ACYP2: variants seen among roughly 807,000 people sequenced by gnomAD.
ACYP2 encodes the protein acylphosphatase 2.
A neutral mutation model predicts 11.2 loss-of-function variants in ACYP2; 12 were observed. That is an observed-to-expected ratio of 1.08 (90% confidence interval 0.69 to 1.74). The LOEUF is 1.74. Ranked by LOEUF, ACYP2 falls within the 40% of genes most tolerant of loss-of-function variation. The pLI is 0.00. For missense variants in ACYP2, 134 were observed against 101.9 expected, an observed-to-expected ratio of 1.31 and a Z score of -1.35; for synonymous variants, 43 against 32.2, an observed-to-expected ratio of 1.33 and a Z score of -1.13.
intron 6 of ACYP2, among the ~76,000 whole-genome samples, chr2:54,268,836 CTTT>C (rs1228004506): frequency 6.6e-6 from 1 of 151,634 alleles, no homozygotes; most frequent in Non-Finnish European, 1.5e-5. Flanking sequence ...GTGAGTTTTT[CTTT>C]TTTTTCCTTA....
intron 6 of ACYP2, among the ~76,000 whole-genome samples, chr2:54,153,460 GT>G (rs3069007): frequency 0.029 from 3,807 of 133,048 alleles, 130 homozygotes; most frequent in African/African-American, 0.091. Context: ...GCTACTTAGG[GT>G]TTTTTTTTTT....
chr2:54,256,448 T>C (rs1687539806), intron 6 of ACYP2, among the ~76,000 whole-genome samples: 1 of 152,196 alleles, frequency 6.6e-6, no homozygotes, highest in Non-Finnish European at 1.5e-5. Flanking sequence ...CATGTGTTTG[T>C]TGGCCACTAG....
chr2:54,032,797 A>T (rs972379634), intron 2 of ACYP2, among the ~76,000 whole-genome samples: 1 of 152,200 alleles, frequency 6.6e-6, no homozygotes, highest in Admixed American at 6.5e-5. Context: ...GAGAACTACA[A>T]ACCACTGTTC....
chr2:54,151,908 T>G (rs923025007), intron 6 of ACYP2, among the ~76,000 whole-genome samples: 1 of 152,086 alleles, frequency 6.6e-6, no homozygotes, highest in Admixed American at 6.5e-5. Flanking sequence ...TTAATAGACT[T>G]TCTTTTTTAG....
At chr2:54,002,492 C>T (rs1672847730) in intron 2 of ACYP2, among the ~76,000 whole-genome samples, 1 of 150,146 alleles carries the variant, frequency 6.7e-6, no homozygotes, top group Non-Finnish European at 1.5e-5. Context: ...ATTATAAGTG[C>T]ACACCACCAT....
chr2:54,154,569 C>CTCCATTTATAGATT (rs1682347663), intron 6 of ACYP2, among the ~76,000 whole-genome samples: 1 of 152,078 alleles, frequency 6.6e-6, no homozygotes, highest in African/African-American at 2.4e-5. Flanking sequence ...ATATGGTGTT[C>CTCCATTTATAGATT]TCCATTTATA....
At chr2:54,251,823 G>A (rs774844975) in intron 6 of ACYP2, among the ~76,000 whole-genome samples, 6 of 152,154 alleles carry the variant, frequency 3.9e-5, no homozygotes, top group African/African-American at 9.7e-5. Context: ...CCTTCAAAGC[G>A]AAAAGGACAG....
At chr2:54,251,058 G>C (rs1462777899) in intron 6 of ACYP2, among the ~76,000 whole-genome samples, 1 of 152,176 alleles carries the variant, frequency 6.6e-6, no homozygotes, top group Non-Finnish European at 1.5e-5. Context: ...TGATCTATTT[G>C]GCTGGAAGAT....
chr2:54,146,575 C>T (rs1681902277), intron 6 of ACYP2, among the ~76,000 whole-genome samples: 1 of 150,058 alleles, frequency 6.7e-6, no homozygotes, highest in African/African-American at 2.5e-5. Context: ...ATGCCCGGCC[C>T]CTGATTTTAA....
At chr2:54,080,113 A>T in intron 4 of ACYP2, 1 of 209,084 alleles carries the variant, frequency 4.8e-6, no homozygotes, top group Admixed American at 4.3e-5. Context: ...GCAGCTTCAT[A>T]TACAGCTTGG....
intron 5 of ACYP2, among the ~76,000 whole-genome samples, chr2:54,135,808 T>C (rs1681195247): frequency 6.6e-6 from 1 of 152,206 alleles, no homozygotes; most frequent in Admixed American, 6.5e-5. Flanking sequence ...CAACGGTACA[T>C]ATGTTGCACT....
rs1214159425 is a variant in ACYP2, at chr2:54,079,153, T to C, written c.277+21793T>C. On this transcript the variant is annotated intron_variant, in intron 4 of 6. Coordinates refer to ENST00000607452, the MANE Select transcript of ACYP2 (RefSeq NM_001320586.2). ...CAAGTTATTGTTTATCTTTGTCTCC[T>C]AGATGACTGACACTTGATGTAGAAT... Among the ~76,000 whole-genome samples, 3 of 152,348 alleles carry C rather than the reference T, an allele frequency of 2.0e-5. No individual in the cohort carries two copies. In the East Asian group the frequency reaches 5.8e-4, roughly 29 times the overall value.
chr2:54,272,004 T>C (rs1242452100), intron 6 of ACYP2, among the ~76,000 whole-genome samples: 1 of 152,162 alleles, frequency 6.6e-6, no homozygotes, highest in Non-Finnish European at 1.5e-5. Context: ...AGTGCTAGGC[T>C]GGAAAGGCAA....
intron 6 of ACYP2, among the ~76,000 whole-genome samples, chr2:54,276,750 G>A (rs1373226150): frequency 6.6e-6 from 1 of 151,588 alleles, no homozygotes; most frequent in Non-Finnish European, 1.5e-5. Context: ...ATATTTACTG[G>A]AGAAATTTGA....
At chr2:54,224,609 C>T (rs1382909841) in intron 6 of ACYP2, among the ~76,000 whole-genome samples, 2 of 152,178 alleles carry the variant, frequency 1.3e-5, no homozygotes, top group African/African-American at 4.8e-5. Flanking sequence ...GGAAAGCATG[C>T]CAAACAGGAA....
intron 6 of ACYP2, among the ~76,000 whole-genome samples, chr2:54,175,068 C>A (rs1683383534): frequency 6.6e-6 from 1 of 152,206 alleles, no homozygotes; most frequent in African/African-American, 2.4e-5. Context: ...AGGATTCCCT[C>A]TTTTTCTATT....
At chr2:54,266,479 TACTA>T (rs1688022668) in intron 6 of ACYP2, among the ~76,000 whole-genome samples, 1 of 150,630 alleles carries the variant, frequency 6.6e-6, no homozygotes, top group South Asian at 2.1e-4. Flanking sequence ...ATAAACCAGG[TACTA>T]TCATTGGCCC....
At chr2:54,049,421 C>T (rs1359797265) in intron 2 of ACYP2, among the ~76,000 whole-genome samples, 1 of 152,098 alleles carries the variant, frequency 6.6e-6, no homozygotes, top group African/African-American at 2.4e-5. Flanking sequence ...GCTTCCTATC[C>T]ACATGTAAAT....
intron 3 of ACYP2, among the ~76,000 whole-genome samples, chr2:54,053,765 C>T (rs1408676893): frequency 6.6e-6 from 1 of 152,206 alleles, no homozygotes; most frequent in Non-Finnish European, 1.5e-5. Flanking sequence ...GTGTTTAGAG[C>T]TTTCATTCTA....
Sources: gnomAD v4.1 joint callset for allele counts (sites outside exome capture counted in the v4.1 genomes callset) on GRCh38, gnomAD v4.1.1 for gene constraint, MANE v1.5 for transcripts, NCBI Gene and HGNC (gene_info 2026-07-23, HGNC 2026-07-21) for gene names.